Variants in P2RX5 observed in about 807,000 individuals in gnomAD.
P2RX5 encodes the protein purinergic receptor P2X 5, also known as P2X purinoceptor 5.
P2RX5 carries 46 observed loss-of-function variants against 54.1 expected under a neutral mutation model. That is an observed-to-expected ratio of 0.85 (90% CI 0.67 to 1.09). The LOEUF is 1.09. Among genes scored for constraint, P2RX5 ranks in the 50% least tolerant of loss-of-function variants. The pLI is 0.00. For synonymous variants in P2RX5, 226 were observed against 226.4 expected (o/e 1.00, Z 0.02); for missense variants, 566 against 549.8 (o/e 1.03, Z -0.29).
the P2RX5 span, among the ~76,000 whole-genome samples, chr17:3,707,363 A>G: frequency 6.6e-6 from 1 of 152,210 alleles, no homozygotes; most frequent in Non-Finnish European, 1.5e-5. Context: ...ACCTAGAGGT[A>G]CTGGTGTCCT....
chr17:3,682,050 C>A, intron 9 of P2RX5, 72 bp from the exon 10 acceptor site: 1 of 1,034,160 alleles, frequency 9.7e-7, no homozygotes, highest in South Asian at 1.3e-5. Flanking sequence ...CACTTTGCCC[C>A]TTCCATCCTG....
intron 8 of P2RX5, among the ~76,000 whole-genome samples, 177 bp downstream of exon 8, chr17:3,688,449 C>T (rs1383597109): frequency 6.6e-6 from 1 of 152,208 alleles, no homozygotes; most frequent in Non-Finnish European, 1.5e-5. Context: ...CCAGAGGCAC[C>T]CCCAGCTTCA....
chr17:3,700,099 A>G (rs2050808289), upstream of P2RX5, among the ~76,000 whole-genome samples: 1 of 152,216 alleles, frequency 6.6e-6, no homozygotes, highest in African/African-American at 2.4e-5. Context: ...TGTGGAAAAC[A>G]CTTACAAGCT....
chr17:3,710,989 G>A, the P2RX5 span, among the ~76,000 whole-genome samples: 3 of 152,264 alleles, frequency 2.0e-5, no homozygotes, highest in East Asian at 3.8e-4. Context: ...AAAGTTCAGC[G>A]GGTCCCAGCT....
At chr17:3,693,830 CTT>C (rs758536424) in intron 1 of P2RX5, among the ~76,000 whole-genome samples, 4 of 146,944 alleles carry the variant, frequency 2.7e-5, no homozygotes, top group Non-Finnish European at 3.0e-5. Flanking sequence ...CATTCTTCTT[CTT>C]TTTTTTTTTT....
chr17:3,711,407 G>T, the P2RX5 span, among the ~76,000 whole-genome samples: 1 of 75,266 alleles, frequency 1.3e-5, no homozygotes, highest in Non-Finnish European at 2.2e-5. Context: ...TTTTGAGACG[G>T]AGTCTCGCTC....
chr17:3,680,480 T>G (rs1362851854), intron 10 of P2RX5, among the ~76,000 whole-genome samples: 3 of 91,066 alleles, frequency 3.3e-5, no homozygotes, highest in African/African-American at 1.9e-4. Flanking sequence ...TCCTCCACCC[T>G]GCATCCTCCA....
chr17:3,677,735 C>T, intron 11 of P2RX5: 1 of 985,378 alleles, frequency 1.0e-6, no homozygotes, highest in Non-Finnish European at 1.2e-6. Context: ...CAGCACACAG[C>T]ATGCGTCAAT....
chr17:3,710,396 C>T, the P2RX5 span, among the ~76,000 whole-genome samples: 1 of 151,710 alleles, frequency 6.6e-6, no homozygotes, highest in Non-Finnish European at 1.5e-5. Context: ...TACTGCACTC[C>T]AGCCTGGGAG....
chr17:3,697,649 C>T (rs1362451290), upstream of P2RX5, among the ~76,000 whole-genome samples: 1 of 152,178 alleles, frequency 6.6e-6, no homozygotes, highest in African/African-American at 2.4e-5. Flanking sequence ...AATTCCTAGG[C>T]CCTGCCCCTC....
At chr17:3,718,896 C>T in the P2RX5 span, among the ~76,000 whole-genome samples, 1 of 152,004 alleles carries the variant, frequency 6.6e-6, no homozygotes, top group African/African-American at 2.4e-5. Context: ...CTATTTCTTC[C>T]GTTTTCTGTA....
chr17:3,689,704 G>A, intron 6 of P2RX5, 74 bp from the exon 7 acceptor site: 1 of 1,594,216 alleles, frequency 6.3e-7, no homozygotes, highest in Non-Finnish European at 8.6e-7. Context: ...GAGTCACTCG[G>A]TCCCTCACCA....
the P2RX5 span, among the ~76,000 whole-genome samples, chr17:3,701,298 A>T: frequency 6.6e-6 from 1 of 152,124 alleles, no homozygotes; most frequent in South Asian, 2.1e-4. Context: ...GGCCCAAGAC[A>T]ATTCTTTTTC....
At chr17:3,723,832 G>A in the P2RX5 span, 1 of 1,547,138 alleles carries the variant, frequency 6.5e-7, no homozygotes, top group Non-Finnish European at 8.7e-7. Flanking sequence ...GGCGAGGTGC[G>A]CATGCGCAGG....
At chr17:3,680,496 T>A (rs112279325) in intron 10 of P2RX5, among the ~76,000 whole-genome samples, 2 of 15,764 alleles carry the variant, frequency 1.3e-4, no homozygotes, top group South Asian at 2.4e-3. Flanking sequence ...CTCCACCCAG[T>A]GTCCTCCACC....
In P2RX5 at chr17:3,676,937, C is replaced by T. The variant is rs770386118; in HGVS notation, c.1259+2653G>A. 1.0e-4 allele frequency: 30 copies of T among 297,160 alleles called. No individual in the cohort carries two copies. The Middle Eastern group carries it at 6.7e-3, about 66-fold the overall frequency. 18.4% of individuals were successfully genotyped at this position (297,160 alleles called of 1,614,324 possible). A position where few individuals can be genotyped will look rare whatever the true frequency, so the allele number is the denominator to read the frequency against. ...ATTAGCCGGGCATGGTGGTGGGCAC[C>T]TGTAATCCCAGCTACTTAGGAGGCT... On this transcript the variant is annotated intron_variant, in intron 11 of 11. Coordinates refer to ENST00000225328, the MANE Select transcript of P2RX5 (RefSeq NM_002561.4).
At chr17:3,676,977 G>T (rs770406132) in intron 11 of P2RX5, 2 of 517,420 alleles carry the variant, frequency 3.9e-6, no homozygotes, top group Non-Finnish European at 5.0e-6. Context: ...CAGGAGAATC[G>T]ATTGAACCTG....
chr17:3,702,692 GAC>G, the P2RX5 span, among the ~76,000 whole-genome samples: 6 of 152,128 alleles, frequency 3.9e-5, no homozygotes, highest in African/African-American at 1.4e-4. Flanking sequence ...ACAAACTCCA[GAC>G]ACACCATCTT....
chr17:3,704,075 C>A, the P2RX5 span, among the ~76,000 whole-genome samples: 1 of 151,444 alleles, frequency 6.6e-6, no homozygotes, highest in Admixed American at 6.6e-5. Flanking sequence ...GCACTCCAGC[C>A]TCGGCAACAA....
Sources: allele counts gnomAD v4.1 joint callset (sites outside exome capture counted in the v4.1 genomes callset), GRCh38; gene constraint gnomAD v4.1.1; transcripts MANE v1.5; gene names NCBI Gene and HGNC (gene_info 2026-07-23, HGNC 2026-07-21).